Variants in WNT7B observed in about 807,000 individuals in gnomAD.
WNT7B encodes the protein protein Wnt-7b.
A neutral mutation model predicts 38.2 loss-of-function variants in WNT7B; 19 were observed. The observed-to-expected ratio is 0.50, with a 90% CI of 0.35 to 0.73. WNT7B has a LOEUF of 0.73. Among genes scored for constraint, WNT7B ranks in the 30% least tolerant of loss-of-function variants. The pLI is 0.01. For synonymous variants in WNT7B, 243 were observed against 209.3 expected, an observed-to-expected ratio of 1.16 and a Z score of -1.39; for missense variants, 423 against 507.9, an observed-to-expected ratio of 0.83 and a Z score of 1.61.
Position 45,957,682 on chromosome 22 carries a change from C to CAAAAAAAAAAAAAAAA in WNT7B, c.72-7552_72-7537dup. 1.4e-3 allele frequency among the ~76,000 whole-genome samples: 50 copies of CAAAAAAAAAAAAAAAA among 36,012 alleles called. 2 individuals carry two copies. The highest frequency in any genetic ancestry group is 2.2e-3 in the African/African-American group (23 of 10,452). 23.6% of individuals were successfully genotyped at this position (36,012 alleles called of 152,430 possible). A position where few individuals can be genotyped will look rare whatever the true frequency, so the allele number is the denominator to read the frequency against. ...TGCGTGAGGGAGCAAGACTCCGTCT[C>CAAAAAAAAAAAAAAAA]AAAAAAAAAAAAAAAAAAAAAAAAA... On this transcript the variant is annotated intron_variant, in intron 1 of 3. Transcript: ENST00000339464.
In WNT7B at chr22:45,946,704, G is replaced by T. The variant is rs558687342; in HGVS notation, c.298+3216C>A. 3.3e-5 allele frequency among the ~76,000 whole-genome samples: 5 copies of T among 152,286 alleles called. No individual in the cohort carries two copies. In the South Asian group the frequency reaches 1.0e-3, roughly 32 times the overall value. ...CGAGCAGAGCAACTGGAACCCAGGGGCCCAGGGCAAAGCCAGCACAGGGTC... is the reference window on the plus strand; with the variant it reads ...CGAGCAGAGCAACTGGAACCCAGGGTCCCAGGGCAAAGCCAGCACAGGGTC... On this transcript the variant is annotated intron_variant, in intron 2 of 3. Coordinates refer to ENST00000339464, the MANE Select transcript of WNT7B (RefSeq NM_058238.3).
chr22:45,926,400 G>A lies in WNT7B; in HGVS notation c.571-3065C>T, dbSNP rs570688884. On this transcript the variant is annotated intron_variant, in intron 3 of 3. Coordinates refer to ENST00000339464, the MANE Select transcript of WNT7B (RefSeq NM_058238.3). ...GCTGGGGGCCTGGTTGGGCAGGGGG[G>A]TGGTGGACTGAGGGGGCTCCAGGAA... 47 of 985,310 alleles carry A rather than the reference G, an allele frequency of 4.8e-5. No individual in the cohort carries two copies. In the African/African-American group the frequency reaches 7.8e-4, roughly 16 times the overall value. The allele number at this position is 985,310 out of a possible 1,614,324, so 61.0% of individuals were successfully genotyped here.
intron 2 of WNT7B, among the ~76,000 whole-genome samples, chr22:45,942,772 C>T (rs74438146): frequency 0.013 from 2,016 of 152,326 alleles, 46 homozygotes; most frequent in African/African-American, 0.046. Context: ...GCGTCTGGGC[C>T]GCTTTTATTA....
chr22:45,970,191 T>C (rs540419005), intron 1 of WNT7B, among the ~76,000 whole-genome samples: 1 of 152,344 alleles, frequency 6.6e-6, no homozygotes, highest in African/African-American at 2.4e-5. Context: ...TCTTCCTCCC[T>C]GTGGGGCAGG....
At chr22:45,971,476 C>T (rs1932437120) in intron 1 of WNT7B, among the ~76,000 whole-genome samples, 1 of 152,220 alleles carries the variant, frequency 6.6e-6, no homozygotes, top group South Asian at 2.1e-4. Context: ...TGGGCTCTGC[C>T]TTGCCGGGCA....
chr22:45,956,169 C>G (rs574683697), intron 1 of WNT7B, among the ~76,000 whole-genome samples: 3 of 152,322 alleles, frequency 2.0e-5, no homozygotes, highest in South Asian at 4.1e-4. Context: ...GTGCCTGAGT[C>G]TGCAAATTCC....
At position 45,923,321 on chromosome 22, in the gene WNT7B, C is replaced by G. The variant is rs754008686; in HGVS notation, c.585G>C (p.Arg195=). The G allele has an allele frequency of 6.2e-7, 1 of 1,606,244 alleles. No individual in the cohort carries two copies. The highest frequency in any genetic ancestry group is 1.7e-5 in the Admixed American group (1 of 59,792). Residue 195 remains arginine (R), a synonymous_variant, in exon 4 of 4, where the codon CGG becomes CGC. Transcript: ENST00000339464. The stretch of plus-strand genomic sequence containing the variant: ...CGTGGCACTTGCACTCCAGCTGCAT[C>G]CGGTCCTCTAGAACCTGCGGGTGAC... ...NEAGRKVLED[R]MQLECKCHGV... is the part of the protein sequence containing the mutation.
chr22:45,968,952 C>T (rs1932369480), intron 1 of WNT7B, among the ~76,000 whole-genome samples: 2 of 152,246 alleles, frequency 1.3e-5, no homozygotes, highest in African/African-American at 4.8e-5. Context: ...CAGAGCCCCT[C>T]CCAGACCTGG....
At chr22:45,939,632 A>ACACACACACACACAC (rs1931593545) in intron 2 of WNT7B, among the ~76,000 whole-genome samples, 17 of 144,884 alleles carry the variant, frequency 1.2e-4, no homozygotes, top group African/African-American at 4.6e-4. Context: ...TGTCTCTACA[A>ACACACACACACACAC]ACACACACAC....
In WNT7B at chr22:45,922,949, G is replaced by T; in HGVS notation, c.957C>A (p.Thr319=). The change falls in exon 4 of 4, where the codon ACC becomes ACA. Residue 319 remains threonine, a synonymous_variant. Transcript: ENST00000339464. ...ATTTGCAGTTGCACTGCCACACCTT[G>T]GTGTACTGGTGGGTGTTGTAGCCTC... ...CGRGYNTHQY[T]KVWQCNCKFH... 1 of 1,613,410 alleles carries T rather than the reference G, an allele frequency of 6.2e-7. No individual in the cohort carries two copies.
intron 2 of WNT7B, among the ~76,000 whole-genome samples, chr22:45,947,617 C>T (rs1931827891): frequency 6.6e-6 from 1 of 152,170 alleles, no homozygotes; most frequent in Admixed American, 6.5e-5. Context: ...GGAGGAGCTG[C>T]CACTTCCCAG....
At position 45,956,402 on chromosome 22, in the gene WNT7B, G is replaced by A. The variant is rs143455590; in HGVS notation, c.72-6256C>T. On this transcript the variant is annotated intron_variant, in intron 1 of 3. Transcript: ENST00000339464. ...CTCATTCACTAGACACACAATCTCCGACCCCCAGGATCCAGCCTCCCCCGG... is the reference window on the plus strand; with the variant it reads ...CTCATTCACTAGACACACAATCTCCAACCCCCAGGATCCAGCCTCCCCCGG... 3.3e-4 allele frequency among the ~76,000 whole-genome samples: 50 copies of A among 152,224 alleles called. 1 individual carries two copies. In the East Asian group the frequency reaches 8.3e-3, roughly 25 times the overall value.
At chr22:45,945,839 G>A (rs1233055026) in intron 2 of WNT7B, among the ~76,000 whole-genome samples, 1 of 152,230 alleles carries the variant, frequency 6.6e-6, no homozygotes, top group Non-Finnish European at 1.5e-5. Context: ...CCCACGCAGA[G>A]CTCGCCCCCA....
chr22:45,936,015 G>A (rs1931505952), intron 2 of WNT7B: 2 of 985,276 alleles, frequency 2.0e-6, no homozygotes, highest in Admixed American at 6.1e-5. Context: ...CCAGATTCTA[G>A]AGCCAGCAGC....
At chr22:45,974,479 G>C (rs553364097) in intron 1 of WNT7B, among the ~76,000 whole-genome samples, 8 of 152,348 alleles carry the variant, frequency 5.3e-5, no homozygotes, top group African/African-American at 1.9e-4. Context: ...CCTCGAGGGA[G>C]GGATTGGCTC....
Position 45,964,220 on chromosome 22 carries a change from A to G in WNT7B, c.71+12464T>C, listed in dbSNP as rs538252931. Among the ~76,000 whole-genome samples the G allele has an allele frequency of 1.3e-5, 2 of 151,540 alleles. 1 individual carries two copies. The highest frequency in any genetic ancestry group is 4.2e-4 in the South Asian group (2 of 4,784). On this transcript the variant is annotated intron_variant, in intron 1 of 3. Coordinates refer to ENST00000339464, the MANE Select transcript of WNT7B (RefSeq NM_058238.3). Reference sequence around the variant, plus strand: ...CCCTATCCGGTGCTCTCTCCACAACACCAGCCTGCCTGGCATCCAGGGATC... The same window carrying G: ...CCCTATCCGGTGCTCTCTCCACAACGCCAGCCTGCCTGGCATCCAGGGATC...
chr22:45,924,882 G>A (rs556727739), intron 3 of WNT7B, among the ~76,000 whole-genome samples: 1 of 148,024 alleles, frequency 6.8e-6, no homozygotes, highest in African/African-American at 2.5e-5. Context: ...GGGCCCAAAG[G>A]CTCATCAGGT....
intron 1 of WNT7B, among the ~76,000 whole-genome samples, chr22:45,971,148 A>G (rs1278745687): frequency 3.7e-5 from 5 of 135,308 alleles, no homozygotes; most frequent in African/African-American, 5.6e-5. Flanking sequence ...CTGCAACCGC[A>G]TGGGGGGAGG....
At chr22:45,938,751 C>A (rs1460599991) in intron 2 of WNT7B, among the ~76,000 whole-genome samples, 1 of 151,910 alleles carries the variant, frequency 6.6e-6, no homozygotes, top group African/African-American at 2.4e-5. Context: ...TTCAGAACAG[C>A]CAGAAGAGAG....
Sources: gnomAD v4.1 joint callset for allele counts (sites outside exome capture counted in the v4.1 genomes callset) on GRCh38, gnomAD v4.1.1 for gene constraint, MANE v1.5 for transcripts, NCBI Gene and HGNC (gene_info 2026-07-23, HGNC 2026-07-21) for gene names.